Variants in TUBD1 observed in about 807,000 individuals in gnomAD.
TUBD1 encodes tubulin delta 1.
TUBD1 carries 38 observed loss-of-function variants against 51.2 expected under a neutral mutation model. The ratio of observed to expected loss-of-function variants is 0.74; its 90% CI spans 0.57 to 0.97. TUBD1 has a LOEUF of 0.97. TUBD1 is among the 50% of genes least tolerant of loss of function. The pLI is 0.00. For missense variants in TUBD1, 489 were observed against 538.4 expected (o/e 0.91, Z 0.91); for synonymous variants, 169 against 178.2 (o/e 0.95, Z 0.41).
In TUBD1 at chr17:59,866,740, C is replaced by T. The variant is rs1598507116; in HGVS notation, c.944G>A (p.Arg315Lys). The part of the protein sequence containing the change: ...SNAKMEEGID[R>K]HVWPPLSGLP... ...TCCTGATAAAGGAGGCCATACATGC[C>T]TATCAATACCTACCAAAAGAAAAAA... The change falls in exon 7 of 9, where the codon AGG becomes AAG. Residue 315 changes from arginine to lysine, a missense_variant. Physicochemically the swap from Arg to Lys is conservative, Grantham distance 26. Transcript: ENST00000325752. 6.3e-7 allele frequency: 1 copy of T among 1,590,892 alleles called. No individual in the cohort carries two copies. Among genetic ancestry groups the T allele is most frequent in the Non-Finnish European group, 8.5e-7 (1 of 1,174,284 alleles).
chr17:59,872,379 G>A (rs971233079), intron 6 of TUBD1, among the ~76,000 whole-genome samples: 3 of 152,104 alleles, frequency 2.0e-5, no homozygotes, highest in Non-Finnish European at 2.9e-5. Flanking sequence ...ACAGGTGTGA[G>A]CCATCACATC....
intron 3 of TUBD1, chr17:59,885,682 C>T (rs1390670403): frequency 1.6e-6 from 1 of 611,052 alleles, no homozygotes; most frequent in Non-Finnish European, 2.8e-6. Context: ...AAACAAAAAT[C>T]AGAATCTCTC....
chr17:59,885,652 T>TA (rs2040688327), intron 3 of TUBD1: 5 of 682,166 alleles, frequency 7.3e-6, no homozygotes, highest in South Asian at 1.8e-5. Flanking sequence ...GTGCTGTGGT[T>TA]AAAAAAACAA....
chr17:59,889,758 T>G (rs2040910139), intron 2 of TUBD1, among the ~76,000 whole-genome samples: 1 of 149,940 alleles, frequency 6.7e-6, no homozygotes, highest in Non-Finnish European at 1.5e-5. Flanking sequence ...TCACTTGAGA[T>G]CAGGCATTCG....
At chr17:59,862,600 CAT>C (rs2039503757) in intron 8 of TUBD1, among the ~76,000 whole-genome samples, 2 of 151,354 alleles carry the variant, frequency 1.3e-5, no homozygotes, top group African/African-American at 4.9e-5. Flanking sequence ...AGTGCAATGG[CAT>C]AGTCTCGGCT....
At chr17:59,869,914 G>C (rs2039900626) in intron 6 of TUBD1, among the ~76,000 whole-genome samples, 1 of 152,016 alleles carries the variant, frequency 6.6e-6, no homozygotes, top group South Asian at 2.1e-4. Flanking sequence ...TCACTAAAAG[G>C]ATAAGCACAA....
At chr17:59,880,796 A>G (rs567128314) in intron 4 of TUBD1, 98 bp downstream of exon 4, 121 of 1,174,718 alleles carry the variant, frequency 1.0e-4, no homozygotes, top group East Asian at 6.3e-4. Flanking sequence ...TTACAGGCAT[A>G]AGCCACCGCA....
At chr17:59,868,360 A>G (rs960230064) in intron 6 of TUBD1, among the ~76,000 whole-genome samples, 1 of 151,650 alleles carries the variant, frequency 6.6e-6, no homozygotes, top group Non-Finnish European at 1.5e-5. Context: ...TAATGGTAGA[A>G]CATGCAGAAA....
At position 59,891,117 on chromosome 17, in the gene TUBD1, T is replaced by C. The variant is rs1056886790; in HGVS notation, c.-39-76A>G. ...CAAATAAAATGCCATGTATGTTAAT[T>C]ATACATCAATAAAAAGTCTTTTTTC... On this transcript the variant is annotated intron_variant, in intron 1 of 8. Transcript: ENST00000325752. 66 of 778,576 alleles carry C rather than the reference T, an allele frequency of 8.5e-5. No homozygotes were observed. The African/African-American group carries it at 1.1e-3, about 13-fold the overall frequency. 48.2% of individuals were successfully genotyped at this position (778,576 alleles called of 1,614,324 possible).
At chr17:59,862,964 G>C (rs1344951301) in intron 8 of TUBD1, among the ~76,000 whole-genome samples, 2 of 152,044 alleles carry the variant, frequency 1.3e-5, no homozygotes, top group East Asian at 3.9e-4. Flanking sequence ...GACCTCAGCT[G>C]ATCTGCTCGC....
In TUBD1 at chr17:59,878,241, T is replaced by C. The variant is rs1350676244; in HGVS notation, c.631A>G (p.Lys211Glu). ...ATATTCATCAGTTTTGCACAGATCT[T>C]ATGGATGGCATCATTCTCATGAAGA... is the stretch of plus-strand genomic sequence containing the variant. ...LLLHENDAIH[K>E]ICAKLMNIKQ... The change falls in exon 5 of 9, where the codon AAG (lysine) becomes GAG (glutamate). Residue 211 changes from lysine (K) to glutamate (E), a missense_variant. Physicochemically the swap from Lys to Glu is moderately conservative, Grantham distance 56. Transcript: ENST00000325752. 1 of 1,613,968 alleles carries C rather than the reference T, an allele frequency of 6.2e-7. No homozygotes were observed. Among genetic ancestry groups the C allele is most frequent in the Non-Finnish European group, 8.5e-7 (1 of 1,180,024 alleles).
At chr17:59,866,489 A>G in intron 7 of TUBD1, 120 bp downstream of exon 7, 1 of 1,343,954 alleles carries the variant, frequency 7.4e-7, no homozygotes, top group South Asian at 1.5e-5. Flanking sequence ...TTTTGCCACT[A>G]AAACACACAG....
chr17:59,874,052 G>A (rs1001768127), intron 6 of TUBD1, among the ~76,000 whole-genome samples: 1 of 151,248 alleles, frequency 6.6e-6, no homozygotes, highest in Non-Finnish European at 1.5e-5. Flanking sequence ...AGCCGGGCGT[G>A]GTGGCAGGCG....
chr17:59,861,660 T>TG (rs1555632342), intron 8 of TUBD1, among the ~76,000 whole-genome samples: 1 of 151,658 alleles, frequency 6.6e-6, no homozygotes, highest in Admixed American at 6.6e-5. Flanking sequence ...GAGTGGGTTT[T>TG]TTTGTTTGTT....
At chr17:59,869,868 C>T (rs1302073654) in intron 6 of TUBD1, among the ~76,000 whole-genome samples, 1 of 152,068 alleles carries the variant, frequency 6.6e-6, no homozygotes, top group East Asian at 1.9e-4. Flanking sequence ...CTGAGCATAT[C>T]AGTTTCCTGC....
intron 4 of TUBD1, 34 bp from the exon 5 acceptor site, chr17:59,878,368 GGA>G (rs1476378755): frequency 1.3e-6 from 2 of 1,483,744 alleles, no homozygotes; most frequent in East Asian, 4.5e-5. Context: ...AAGAAAGGTA[GGA>G]GAGAATAATG....
At chr17:59,884,924 TAAA>T in intron 3 of TUBD1, 1 of 189,426 alleles carries the variant, frequency 5.3e-6, no homozygotes, top group South Asian at 7.9e-5. Context: ...CTCTGTCTCT[TAAA>T]AAAAAAAACA....
intron 5 of TUBD1, among the ~76,000 whole-genome samples, chr17:59,876,604 G>A (rs985879550): frequency 2.6e-5 from 4 of 151,686 alleles, no homozygotes; most frequent in Non-Finnish European, 5.9e-5. Flanking sequence ...TGATCTGTCC[G>A]TCTTGGCCTC....
intron 2 of TUBD1, among the ~76,000 whole-genome samples, chr17:59,887,369 CAA>C (rs112102883): frequency 1.3e-4 from 16 of 122,766 alleles, no homozygotes; most frequent in East Asian, 7.3e-4. Flanking sequence ...GACTCTGTCT[CAA>C]AAAAAAAAAA....
Sources: gnomAD v4.1 joint callset for allele counts (sites outside exome capture counted in the v4.1 genomes callset) on GRCh38, gnomAD v4.1.1 for gene constraint, MANE v1.5 for transcripts, NCBI Gene and HGNC (gene_info 2026-07-23, HGNC 2026-07-21) for gene names.